BMPR1B: variants seen among roughly 807,000 people sequenced by gnomAD.
BMPR1B encodes the protein bone morphogenetic protein receptor type-1B.
A neutral mutation model predicts 59.1 loss-of-function variants in BMPR1B; 12 were observed. That is an observed-to-expected ratio of 0.20 (90% CI 0.13 to 0.33). The LOEUF is 0.33. Among genes scored for constraint, BMPR1B ranks in the 10% least tolerant of loss-of-function variants. The pLI is 1.00. For missense variants in BMPR1B, 550 were observed against 610.9 expected (o/e 0.90, Z 1.05); for synonymous variants, 237 against 207.3 (o/e 1.14, Z -1.23).
chr4:94,925,445 T>C (rs912878604), intron 2 of BMPR1B, among the ~76,000 whole-genome samples: 2 of 152,150 alleles, frequency 1.3e-5, no homozygotes, highest in Non-Finnish European at 2.9e-5. Flanking sequence ...TTGATATAAG[T>C]CAGTGAATTT....
At chr4:94,804,301 A>G (rs926085423) in intron 1 of BMPR1B, among the ~76,000 whole-genome samples, 6 of 152,206 alleles carry the variant, frequency 3.9e-5, no homozygotes, top group Non-Finnish European at 5.9e-5. Context: ...GAAGTTTAAA[A>G]TTATTCATTT....
chr4:95,078,723 T>C (rs552767403), intron 3 of BMPR1B, among the ~76,000 whole-genome samples: 28 of 152,314 alleles, frequency 1.8e-4, no homozygotes, highest in South Asian at 1.7e-3. Context: ...ATAATTTAAA[T>C]GAAATGGCTC....
chr4:94,762,858 G>GT (rs372347404), intron 1 of BMPR1B, among the ~76,000 whole-genome samples: 359 of 141,278 alleles, frequency 2.5e-3, no homozygotes, highest in East Asian at 7.1e-3. Context: ...ATCAGTTTTT[G>GT]TTTTTTTTTT....
At chr4:95,064,811 A>G (rs114752856) in intron 3 of BMPR1B, among the ~76,000 whole-genome samples, 2 of 152,300 alleles carry the variant, frequency 1.3e-5, no homozygotes, top group Non-Finnish European at 2.9e-5. Context: ...AGAGAAATTC[A>G]ATCAAAAACA....
intron 9 of BMPR1B, 68 bp downstream of exon 9, chr4:95,130,122 G>C: frequency 6.5e-7 from 1 of 1,529,442 alleles, no homozygotes; most frequent in Non-Finnish European, 9.0e-7. Flanking sequence ...GTTAACATCT[G>C]CATGTTAACT....
chr4:94,984,190 A>G (rs997111706), intron 2 of BMPR1B, among the ~76,000 whole-genome samples: 11 of 152,220 alleles, frequency 7.2e-5, no homozygotes, highest in Non-Finnish European at 1.5e-4. Context: ...GTGGCTTGTC[A>G]TCTGAATAAG....
Position 95,156,868 on chromosome 4 carries a change from C to A in BMPR1B, c.*2195C>A, listed in dbSNP as rs994525584. On this transcript the variant is annotated 3_prime_UTR_variant, in exon 13 of 13. Transcript: ENST00000515059. ...TCATCTGAGCCTTGAAGAGAAACTT[C>A]AGTGCCTCTAAACAGATCATCTACA... The A allele has an allele frequency of 6.6e-6, 1 of 152,170 alleles. No individual in the cohort carries two copies. The highest frequency in any genetic ancestry group is 1.5e-5 in the Non-Finnish European group (1 of 68,006). The allele number at this position is 152,170 out of a possible 1,614,324, so 9.4% of individuals were successfully genotyped here. A position where few individuals can be genotyped will look rare whatever the true frequency, so the allele number is the denominator to read the frequency against.
intron 1 of BMPR1B, among the ~76,000 whole-genome samples, chr4:94,827,820 C>T (rs913945614): frequency 2.0e-5 from 3 of 152,124 alleles, no homozygotes; most frequent in African/African-American, 7.2e-5. Context: ...ATAAAATCAA[C>T]GGGATGAGTA....
intron 2 of BMPR1B, among the ~76,000 whole-genome samples, chr4:94,931,709 C>T (rs571644202): frequency 6.6e-6 from 1 of 152,112 alleles, no homozygotes; most frequent in South Asian, 2.1e-4. Flanking sequence ...GATTTCGTTC[C>T]CTAACTGTCT....
chr4:94,934,523 C>T (rs114445046), intron 2 of BMPR1B, among the ~76,000 whole-genome samples: 15 of 135,484 alleles, frequency 1.1e-4, no homozygotes, highest in African/African-American at 2.3e-4. Context: ...CATAGTTAAG[C>T]GTTAGAAACT....
At chr4:94,984,268 C>T (rs1425127059) in intron 2 of BMPR1B, among the ~76,000 whole-genome samples, 2 of 152,130 alleles carry the variant, frequency 1.3e-5, no homozygotes, top group African/African-American at 2.4e-5. Context: ...TCAATAGCTG[C>T]TATTCAGATA....
chr4:94,771,623 T>C (rs572509205), intron 1 of BMPR1B, among the ~76,000 whole-genome samples: 34 of 152,328 alleles, frequency 2.2e-4, no homozygotes, highest in African/African-American at 7.5e-4. Context: ...TTTTGAACTT[T>C]AAATGATGTA....
intron 3 of BMPR1B, among the ~76,000 whole-genome samples, chr4:95,082,416 G>C (rs1729230490): frequency 1.3e-5 from 2 of 151,834 alleles, no homozygotes; most frequent in Admixed American, 1.3e-4. Flanking sequence ...TTGCGCTCAG[G>C]CAAATAACCT....
At chr4:94,933,279 T>A (rs917287172) in intron 2 of BMPR1B, among the ~76,000 whole-genome samples, 1 of 152,100 alleles carries the variant, frequency 6.6e-6, no homozygotes, top group Admixed American at 6.6e-5. Flanking sequence ...CTTATTCCAT[T>A]ATATCATAGT....
intron 3 of BMPR1B, among the ~76,000 whole-genome samples, chr4:95,025,561 T>A (rs1724295107): frequency 1.3e-5 from 2 of 152,198 alleles, no homozygotes; most frequent in Admixed American, 1.3e-4. Context: ...TAAAGTATGA[T>A]GATTGACTTG....
intron 2 of BMPR1B, among the ~76,000 whole-genome samples, chr4:94,950,385 A>G (rs1414376650): frequency 6.6e-6 from 1 of 151,780 alleles, no homozygotes; most frequent in Non-Finnish European, 1.5e-5. Context: ...CCTGAATGGT[A>G]TTGCCTAGGT....
intron 1 of BMPR1B, among the ~76,000 whole-genome samples, chr4:94,870,045 G>A (rs1294001770): frequency 6.6e-6 from 1 of 152,114 alleles, no homozygotes; most frequent in Non-Finnish European, 1.5e-5. Flanking sequence ...AGAAGAAGTT[G>A]CAAAGAAAGG....
chr4:94,809,456 A>G (rs1364719845), intron 1 of BMPR1B, among the ~76,000 whole-genome samples: 1 of 152,190 alleles, frequency 6.6e-6, no homozygotes, highest in Non-Finnish European at 1.5e-5. Flanking sequence ...TGTGAAGCCA[A>G]TTCCTTTTTC....
At chr4:94,837,875 G>A (rs978829939) in intron 1 of BMPR1B, among the ~76,000 whole-genome samples, 1 of 143,198 alleles carries the variant, frequency 7.0e-6, no homozygotes, top group Non-Finnish European at 1.5e-5. Context: ...TGCCCATTGA[G>A]TATGATATTG....
Sources: gnomAD v4.1 joint callset for allele counts (sites outside exome capture counted in the v4.1 genomes callset) on GRCh38, gnomAD v4.1.1 for gene constraint, MANE v1.5 for transcripts, NCBI Gene and HGNC (gene_info 2026-07-23, HGNC 2026-07-21) for gene names.